Variants in TNC observed in about 807,000 individuals in gnomAD.
TNC encodes the protein tenascin.
In TNC, 109 loss-of-function variants were observed where a neutral mutation model predicts 202.4. The ratio of observed to expected loss-of-function variants is 0.54; its 90% confidence interval spans 0.46 to 0.63. TNC has a LOEUF of 0.63. Ranked by LOEUF, TNC falls within the 30% of genes least tolerant of loss-of-function variation. The pLI, the probability that TNC is intolerant of heterozygous loss-of-function variation, is 0.00. For synonymous variants in TNC, 1,007 were observed against 1,089.7 expected (o/e 0.92, Z 1.50); for missense variants, 2,756 against 2,833.3 (o/e 0.97, Z 0.62).
rs1417438778 is a variant in TNC at position 115,095,494 on chromosome 9, A to C, written c.-136-4340T>G. Among the ~76,000 whole-genome samples the C allele has an allele frequency of 5.5e-5, 4 of 72,736 alleles. No homozygotes were observed. The East Asian group carries it at 2.3e-3, about 42-fold the overall frequency. 47.7% of individuals were successfully genotyped at this position (72,736 alleles called of 152,430 possible). A position where few individuals can be genotyped will look rare whatever the true frequency, so the allele number is the denominator to read the frequency against. On this transcript the variant is annotated intron_variant, in intron 1 of 27. Coordinates refer to ENST00000350763, the MANE Select transcript of TNC (RefSeq NM_002160.4). ...TGTATATATATGTATATATATATGT[A>C]TATATATGTATATATATATGTATAT...
At chr9:115,029,043 A>C (rs957478765) in intron 25 of TNC, among the ~76,000 whole-genome samples, 2 of 149,936 alleles carry the variant, frequency 1.3e-5, no homozygotes, top group Admixed American at 6.6e-5. Context: ...TGGAAAAAAA[A>C]AAAAAAAAAA....
At position 115,062,979 on chromosome 9, in the gene TNC, A is replaced by G. The variant is rs756367722; in HGVS notation, c.3971T>C (p.Val1324Ala). Residue 1324 changes from valine (V) to alanine (A), a missense_variant, in exon 13 of 28, where the codon GTC (valine) becomes GCC (alanine). Physicochemically the swap from Val to Ala is moderately conservative, Grantham distance 64. Around this residue, in one of 2 missense-constraint regions of TNC, gnomAD observed 2,559 missense variants for 2,546.0 expected, o/e 1.01. Coordinates refer to ENST00000350763, the MANE Select transcript of TNC (RefSeq NM_002160.4). The stretch of plus-strand genomic sequence containing the variant: ...GCCCCTGACCTCGCCGTGCAGGGTG[A>G]CTGTGTAAGGAGTGCCAGCCCTGAG... ...PGLRAGTPYT[V>A]TLHGEVRGHS... 5 of 1,614,040 alleles carry G rather than the reference A, an allele frequency of 3.1e-6. No homozygotes were observed. Among genetic ancestry groups the G allele is most frequent in the Non-Finnish European group, 4.2e-6 (5 of 1,179,988 alleles).
rs1834777739 is a variant in TNC at position 115,086,755 on chromosome 9, T to C, written c.976A>G (p.Ile326Val). The C allele has an allele frequency of 3.1e-6, 5 of 1,613,558 alleles. No individual in the cohort carries two copies. Among genetic ancestry groups the C allele is most frequent in the African/African-American group, 1.3e-5 (1 of 74,840 alleles). ...PNDCFDRGRC[I>V]NGTCYCEEGF... is the part of the protein sequence containing the mutation. Reference sequence around the variant, plus strand: ...TCTTCGCAGTAGCAGGTGCCATTGATGCAGCGGCCCCGGTCGAAGCAGTCA... The same window carrying C: ...TCTTCGCAGTAGCAGGTGCCATTGACGCAGCGGCCCCGGTCGAAGCAGTCA... The change falls in exon 3 of 28, where the codon ATC (isoleucine) becomes GTC (valine). Residue 326 changes from isoleucine to valine, a missense_variant. By Grantham distance (29) the Ile-to-Val change is conservative. This residue lies in a region of TNC where 2,559 missense variants were observed against 2,546.0 expected (regional missense o/e 1.01). Coordinates refer to ENST00000350763, the MANE Select transcript of TNC (RefSeq NM_002160.4).
At chr9:115,023,090 A>T (rs1463667781) in intron 27 of TNC, among the ~76,000 whole-genome samples, 1 of 151,880 alleles carries the variant, frequency 6.6e-6, no homozygotes, top group Non-Finnish European at 1.5e-5. Context: ...ATTGAATCAG[A>T]ATCCCTGGGG....
rs552028864 is a variant in TNC, at chr9:115,056,005, C to A, written c.4579+1148G>T. Among the ~76,000 whole-genome samples, 17 of 152,242 alleles carry A rather than the reference C, an allele frequency of 1.1e-4. No individual in the cohort carries two copies. The East Asian group carries it at 3.3e-3, about 30-fold the overall frequency. On this transcript the variant is annotated intron_variant, in intron 15 of 27. Transcript: ENST00000350763. ...AACTGGATAATGTTGGCTCTCTCTG[C>A]CTTATCCATGGATCACCCTGACGAC...
intron 15 of TNC, among the ~76,000 whole-genome samples, chr9:115,056,252 T>A (rs569131091): frequency 6.6e-6 from 1 of 152,178 alleles, no homozygotes; most frequent in East Asian, 1.9e-4. Context: ...GTTTGTTCTG[T>A]AGATATTGTT....
chr9:115,024,027 C>T lies in TNC; in HGVS notation c.6441G>A (p.Arg2147=). ...ALSYKGAFWY[R]NCHRVNLMGR... ...CCATCAGGTTGACACGGTGACAGTT[C>T]CTGTACCAGAAAGCCCCTTTGTAGG... Residue 2147 remains arginine, a synonymous_variant, in exon 27 of 28, where the codon AGG becomes AGA. Coordinates refer to ENST00000350763, the MANE Select transcript of TNC (RefSeq NM_002160.4). The T allele has an allele frequency of 6.2e-7, 1 of 1,614,118 alleles. No individual in the cohort carries two copies. The highest frequency in any genetic ancestry group is 8.5e-7 in the Non-Finnish European group (1 of 1,179,982).
At chr9:115,031,331 A>G (rs1685953755) in intron 23 of TNC, among the ~76,000 whole-genome samples, 1 of 152,200 alleles carries the variant, frequency 6.6e-6, no homozygotes, top group Admixed American at 6.5e-5. Flanking sequence ...CTAGCAGGTG[A>G]TAGAAATGGG....
chr9:115,079,488 A>G (rs1834134830), intron 6 of TNC, among the ~76,000 whole-genome samples: 1 of 152,200 alleles, frequency 6.6e-6, no homozygotes, highest in Admixed American at 6.5e-5. Flanking sequence ...CAAGCACCCA[A>G]ACCGTACCTA....
intron 20 of TNC, 87 bp downstream of exon 20, chr9:115,038,174 A>C: frequency 6.5e-7 from 1 of 1,527,392 alleles, no homozygotes; most frequent in Non-Finnish European, 8.9e-7. Flanking sequence ...TCCTGTACCA[A>C]ATGTGGCAGG....
At chr9:115,045,522 A>C (rs983642130) in intron 17 of TNC, among the ~76,000 whole-genome samples, 7 of 146,902 alleles carry the variant, frequency 4.8e-5, no homozygotes, top group Non-Finnish European at 7.5e-5. Context: ...ATGAGGCACC[A>C]CACCTGGCTA....
chr9:115,032,477 C>T (rs1830023720), intron 22 of TNC, among the ~76,000 whole-genome samples: 1 of 152,294 alleles, frequency 6.6e-6, no homozygotes, highest in Non-Finnish European at 1.5e-5. Context: ...ATGAATCACA[C>T]AGGGTAAGGG....
chr9:115,024,504 C>T lies in TNC; in HGVS notation c.6332-368G>A, dbSNP rs887853532. Among the ~76,000 whole-genome samples the T allele has an allele frequency of 2.0e-5, 3 of 152,140 alleles. No individual in the cohort carries two copies. The East Asian group carries it at 5.8e-4, about 29-fold the overall frequency. On this transcript the variant is annotated intron_variant, in intron 26 of 27. Transcript: ENST00000350763. ...TTTGATTCTATATACTGAGTAGTGC[C>T]ATTGTGACAATAAAGGTGTATGCTA...
At chr9:115,045,283 G>A (rs1315801338) in intron 17 of TNC, among the ~76,000 whole-genome samples, 2 of 152,120 alleles carry the variant, frequency 1.3e-5, no homozygotes, top group Non-Finnish European at 2.9e-5. Flanking sequence ...TACTTGACTT[G>A]TTGGAGGTTT....
rs1022338634 is a variant in TNC, at chr9:115,084,605, G to A, written c.1868-133C>T. 2.7e-5 allele frequency: 29 copies of A among 1,079,992 alleles called. 1 individual carries two copies. The highest frequency in any genetic ancestry group is 5.3e-4 in the Middle Eastern group (2 of 3,760). The allele number at this position is 1,079,992 out of a possible 1,614,324, so 66.9% of individuals were successfully genotyped here. ...CTTCTGTTGCCTCTAAAATGCAGAT[G>A]GCATCAGGGACCCCCTGCTGTGATC... On this transcript the variant is annotated intron_variant, in intron 3 of 27. Coordinates refer to ENST00000350763, the MANE Select transcript of TNC (RefSeq NM_002160.4).
rs1432908751 is a variant in TNC at position 115,064,069 on chromosome 9, C to T, written c.3488-1G>A. On this transcript the variant is annotated splice_acceptor_variant, in intron 11 of 27. Transcript: ENST00000350763. LOFTEE classifies it high-confidence loss of function. Reference sequence around the variant, plus strand: ...ACCTCTCCCAAATTGGGAGTTTCCCCTGGAGAAGGACAAAGAACTAGTTTA... The same window carrying T: ...ACCTCTCCCAAATTGGGAGTTTCCCTTGGAGAAGGACAAAGAACTAGTTTA... 1 of 1,602,184 alleles carries T rather than the reference C, an allele frequency of 6.2e-7. No homozygotes were observed. The highest frequency in any genetic ancestry group is 2.2e-5 in the East Asian group (1 of 44,628).
intron 1 of TNC, among the ~76,000 whole-genome samples, chr9:115,105,654 G>C (rs1334368743): frequency 6.6e-6 from 1 of 152,150 alleles, no homozygotes; most frequent in Non-Finnish European, 1.5e-5. Context: ...CTGAAAAATA[G>C]AGATATGTCT....
At chr9:115,099,293 G>T (rs1836042168) in intron 1 of TNC, among the ~76,000 whole-genome samples, 1 of 152,266 alleles carries the variant, frequency 6.6e-6, no homozygotes, top group East Asian at 1.9e-4. Context: ...TGATGGATAG[G>T]TCTTGCCCTT....
At chr9:115,082,129 G>A (rs571630672) in intron 5 of TNC, among the ~76,000 whole-genome samples, 7 of 152,180 alleles carry the variant, frequency 4.6e-5, no homozygotes, top group African/African-American at 1.4e-4. Context: ...TCTCCCATTC[G>A]TAAACTTTTA....
Sources: gnomAD v4.1 joint callset for allele counts (sites outside exome capture counted in the v4.1 genomes callset) on GRCh38, gnomAD v4.1.1 for gene constraint, gnomAD v4.1.1 regional missense constraint, MANE v1.5 for transcripts, NCBI Gene and HGNC (gene_info 2026-07-23, HGNC 2026-07-21) for gene names.